Variants in RAD21 observed in about 807,000 individuals in gnomAD.
RAD21 encodes double-strand-break repair protein rad21 homolog.
RAD21 carries 18 observed loss-of-function variants against 71.5 expected under a neutral mutation model. The observed-to-expected ratio is 0.25, with a 90% CI of 0.17 to 0.37. RAD21 has a LOEUF of 0.37. RAD21 is among the 10% of genes least tolerant of loss of function. The pLI is 1.00. For missense variants in RAD21, 493 were observed against 769.1 expected (o/e 0.64, Z 4.25); for synonymous variants, 248 against 254.0 (o/e 0.98, Z 0.22).
At chr8:116,856,904 C>T (rs1385795348) in intron 6 of RAD21, 133 bp from the exon 7 acceptor site, 9 of 584,238 alleles carry the variant, frequency 1.5e-5, no homozygotes, top group Admixed American at 1.5e-4. Context: ...TCTGTTTCTC[C>T]TCCAGGTAGT....
rs772085724 is a variant in RAD21, at chr8:116,857,416, T to G, written c.539A>C (p.Asp180Ala). ...IMREGSAFED[D>A]DMLVSTTTSN... ...AGTAGTAGTGCTTACTAACATGTCGTCATCCTCAAAAGCACTGCCTTCTCT... is the reference window on the plus strand; with the variant it reads ...AGTAGTAGTGCTTACTAACATGTCGGCATCCTCAAAAGCACTGCCTTCTCT... The change falls in exon 6 of 14, where the codon GAC (aspartate) becomes GCC (alanine). Residue 180 changes from aspartate (D) to alanine (A), a missense_variant. This residue lies in a region of RAD21 where 165 missense variants were observed against 229.6 expected (regional missense o/e 0.72). Coordinates refer to ENST00000297338, the MANE Select transcript of RAD21 (RefSeq NM_006265.3). The G allele has an allele frequency of 1.2e-6, 2 of 1,613,350 alleles. No individual in the cohort carries two copies. Among genetic ancestry groups the G allele is most frequent in the Non-Finnish European group, 1.7e-6 (2 of 1,179,752 alleles).
intron 1 of RAD21, among the ~76,000 whole-genome samples, chr8:116,873,032 A>AT (rs1812865432): frequency 6.6e-6 from 1 of 152,258 alleles, no homozygotes; most frequent in Non-Finnish European, 1.5e-5. Flanking sequence ...CACACCTAAC[A>AT]TAGTGCCACT....
At chr8:116,867,497 T>A (rs1183510921) in intron 1 of RAD21, among the ~76,000 whole-genome samples, 1 of 152,174 alleles carries the variant, frequency 6.6e-6, no homozygotes, top group East Asian at 1.9e-4. Context: ...AGCACTCTAA[T>A]GTATTAAGAA....
At chr8:116,873,474 G>A (rs916855292) in intron 1 of RAD21, among the ~76,000 whole-genome samples, 1 of 152,116 alleles carries the variant, frequency 6.6e-6, no homozygotes, top group Non-Finnish European at 1.5e-5. Flanking sequence ...CTATAGACTC[G>A]CACTGCCCGC....
chr8:116,864,439 T>C (rs1317710323), intron 2 of RAD21, among the ~76,000 whole-genome samples: 1 of 152,166 alleles, frequency 6.6e-6, no homozygotes, highest in Non-Finnish European at 1.5e-5. Context: ...TCTCAGGTTC[T>C]GTATTTATGA....
At position 116,872,557 on chromosome 8, in the gene RAD21, C is replaced by G. The variant is rs16889164; in HGVS notation, c.-33+2054G>C. On this transcript the variant is annotated intron_variant, in intron 1 of 13. Coordinates refer to ENST00000297338, the MANE Select transcript of RAD21 (RefSeq NM_006265.3). The stretch of plus-strand genomic sequence containing the variant: ...ATATACATACACACACACACACACA[C>G]ACACACACATATTTTAACTCGGGAC... Among the ~76,000 whole-genome samples, 493 of 151,896 alleles carry G rather than the reference C, an allele frequency of 3.2e-3. 1 individual carries two copies. Among genetic ancestry groups the G allele is most frequent in the African/African-American group, 0.012 (478 of 41,340 alleles).
chr8:116,847,810 C>G, intron 13 of RAD21, 119 bp from the exon 14 acceptor site: 2 of 1,017,614 alleles, frequency 2.0e-6, no homozygotes, highest in Non-Finnish European at 2.8e-6. Flanking sequence ...CGTAATTTCC[C>G]AGTGTTAGAG....
At chr8:116,868,460 A>T (rs1283002439) in intron 1 of RAD21, among the ~76,000 whole-genome samples, 1 of 152,176 alleles carries the variant, frequency 6.6e-6, no homozygotes, top group African/African-American at 2.4e-5. Flanking sequence ...ATAAATATTC[A>T]TGTACAGACT....
chr8:116,853,898 AAGG>A (rs1342275797), intron 9 of RAD21, among the ~76,000 whole-genome samples: 1 of 152,240 alleles, frequency 6.6e-6, no homozygotes, highest in Non-Finnish European at 1.5e-5. Flanking sequence ...ACTGTGGAAA[AAGG>A]AGAACCACTC....
intron 9 of RAD21, among the ~76,000 whole-genome samples, chr8:116,853,944 G>C (rs1475047803): frequency 1.3e-5 from 2 of 152,166 alleles, no homozygotes; most frequent in Non-Finnish European, 2.9e-5. Flanking sequence ...CAAGAATTCA[G>C]ATGTAAAACA....
intron 11 of RAD21, 169 bp from the exon 12 acceptor site, chr8:116,850,936 T>C (rs1172797229): frequency 7.1e-6 from 3 of 425,172 alleles, no homozygotes; most frequent in African/African-American, 2.0e-5. Context: ...TCTTTTTTGA[T>C]TTTTTATAAA....
intron 9 of RAD21, among the ~76,000 whole-genome samples, chr8:116,854,008 G>T (rs1055337275): frequency 6.6e-6 from 1 of 151,898 alleles, no homozygotes; most frequent in Non-Finnish European, 1.5e-5. Context: ...TATTAAACAC[G>T]TCAGTGGCTT....
chr8:116,872,861 G>C (rs532102738), intron 1 of RAD21, among the ~76,000 whole-genome samples: 1 of 152,260 alleles, frequency 6.6e-6, no homozygotes, highest in African/African-American at 2.4e-5. Context: ...CTCTGTTTTG[G>C]TTCTAACATC....
intron 2 of RAD21, among the ~76,000 whole-genome samples, chr8:116,864,103 A>T (rs1432573151): frequency 1.3e-5 from 2 of 152,086 alleles, no homozygotes; most frequent in Non-Finnish European, 2.9e-5. Context: ...GCAGATCTTG[A>T]TCAACATTAA....
At chr8:116,866,254 G>GTT (rs56026154) in intron 2 of RAD21, among the ~76,000 whole-genome samples, 14,398 of 142,640 alleles carry the variant, frequency 0.1, 1,346 homozygotes, top group African/African-American at 0.24. Flanking sequence ...TTCCACGTCG[G>GTT]TTTTTTTTTT....
rs757763176 is a variant in RAD21 at position 116,858,477 on chromosome 8, T to C, written c.375-19A>G. 5 of 1,586,120 alleles carry C rather than the reference T, an allele frequency of 3.2e-6. No homozygotes were observed. The highest frequency in any genetic ancestry group is 1.3e-5 in the African/African-American group (1 of 74,254). ...GATGTCACTTTAAAAGAAGGTCAAA[T>C]ACATTTTAGTTTCAAGTCTATGTAT... On this transcript the variant is annotated intron_variant, in intron 4 of 13. Transcript: ENST00000297338.
Position 116,871,035 on chromosome 8 carries a change from T to C in RAD21, c.-33+3576A>G, listed in dbSNP as rs1305968982. On this transcript the variant is annotated intron_variant, in intron 1 of 13. Transcript: ENST00000297338. Reference sequence around the variant, plus strand: ...TAAGGAAGGCAGAGTGATGCTAAAATTAATGTGGGAAACAATTAGCAAGAG... The same window carrying C: ...TAAGGAAGGCAGAGTGATGCTAAAACTAATGTGGGAAACAATTAGCAAGAG... 2.0e-5 allele frequency among the ~76,000 whole-genome samples: 3 copies of C among 152,098 alleles called. No homozygotes were observed. The South Asian group carries it at 6.2e-4, about 32-fold the overall frequency.
Position 116,856,787 on chromosome 8 carries a change from T to G in RAD21, c.689-16A>C, listed in dbSNP as rs1156918147. On this transcript the variant is annotated splice_polypyrimidine_tract_variant and intron_variant, in intron 6 of 13. Coordinates refer to ENST00000297338, the MANE Select transcript of RAD21 (RefSeq NM_006265.3). Reference sequence around the variant, plus strand: ...AGTTTGTCATCTGAAATAGGGAATGTAAGTTAGTTATAATTTGAAAAAGAA... The same window carrying G: ...AGTTTGTCATCTGAAATAGGGAATGGAAGTTAGTTATAATTTGAAAAAGAA... 3 of 1,480,800 alleles carry G rather than the reference T, an allele frequency of 2.0e-6. No homozygotes were observed. In the African/African-American group the frequency reaches 4.3e-5, roughly 21 times the overall value. 91.7% of individuals were successfully genotyped at this position (1,480,800 alleles called of 1,614,324 possible). A position where few individuals can be genotyped will look rare whatever the true frequency, so the allele number is the denominator to read the frequency against.
chr8:116,852,093 T>A lies in RAD21; in HGVS notation c.1325A>T (p.Glu442Val), dbSNP rs752872488. The change falls in exon 11 of 14, where the codon GAG becomes GTG. Residue 442 changes from glutamate (E) to valine (V), a missense_variant. Transcript: ENST00000297338. ...GCGGCTTGGCTCTTCAATAATGGGC[T>A]CATCTGCAATTGGTCATATGAAGAG... is the stretch of plus-strand genomic sequence containing the variant. ...QQHQQRDVIDEPIIEEPSRLQ... is the reference protein window; with the variant it reads ...QQHQQRDVIDVPIIEEPSRLQ... 1 of 1,600,938 alleles carries A rather than the reference T, an allele frequency of 6.2e-7. No homozygotes were observed. Among genetic ancestry groups the A allele is most frequent in the South Asian group, 1.1e-5 (1 of 90,474 alleles).
Sources: gnomAD v4.1 joint callset for allele counts (sites outside exome capture counted in the v4.1 genomes callset) on GRCh38, gnomAD v4.1.1 for gene constraint, gnomAD v4.1.1 regional missense constraint, MANE v1.5 for transcripts, NCBI Gene and HGNC (gene_info 2026-07-23, HGNC 2026-07-21) for gene names.